The following ASH1L variants were observed in gnomAD, a reference collection of about 807,000 sequenced individuals.
The protein encoded by ASH1L is histone-lysine N-methyltransferase ASH1L.
A neutral mutation model predicts 269.0 loss-of-function variants in ASH1L; 23 were observed. That is an observed-to-expected ratio of 0.09 (90% CI 0.06 to 0.12). ASH1L has a LOEUF of 0.12. Among genes scored for constraint, ASH1L ranks in the 10% least tolerant of loss-of-function variants. The probability of loss-of-function intolerance (pLI) is 1.00; values close to 1 mark genes in which losing one functional copy is unlikely to be tolerated. For missense variants in ASH1L, 2,912 were observed against 3,567.8 expected (o/e 0.82, Z 4.68); for synonymous variants, 1,187 against 1,253.5 (o/e 0.95, Z 1.12).
chr1:155,384,757 T>C (rs191114508), intron 7 of ASH1L, among the ~76,000 whole-genome samples: 1 of 152,200 alleles, frequency 6.6e-6, no homozygotes, highest in Admixed American at 6.5e-5. Flanking sequence ...TGTTTGAGTT[T>C]ATCCTGTTCG....
At chr1:155,483,555 C>T (rs1666100143) in intron 2 of ASH1L, among the ~76,000 whole-genome samples, 1 of 151,996 alleles carries the variant, frequency 6.6e-6, no homozygotes, top group South Asian at 2.1e-4. Flanking sequence ...AAATGTACTG[C>T]ATGGAAAACG....
intron 5 of ASH1L, among the ~76,000 whole-genome samples, chr1:155,431,612 T>G (rs966018207): frequency 7.2e-5 from 11 of 151,958 alleles, no homozygotes; most frequent in African/African-American, 2.4e-4. Flanking sequence ...AACACAAAAA[T>G]TAGCCAGGCC....
intron 1 of ASH1L, among the ~76,000 whole-genome samples, chr1:155,556,780 A>C (rs1671624896): frequency 6.6e-6 from 1 of 152,096 alleles, no homozygotes; most frequent in Non-Finnish European, 1.5e-5. Context: ...CAGGTGTGGT[A>C]GCTCATGCCT....
chr1:155,383,765 G>A (rs558199242), intron 7 of ASH1L, among the ~76,000 whole-genome samples: 2 of 152,272 alleles, frequency 1.3e-5, no homozygotes, highest in South Asian at 4.1e-4. Flanking sequence ...ACCAGAGGCT[G>A]AGGGGAACAG....
At chr1:155,365,940 T>G (rs1655382860) in intron 12 of ASH1L, among the ~76,000 whole-genome samples, 1 of 152,162 alleles carries the variant, frequency 6.6e-6, no homozygotes, top group African/African-American at 2.4e-5. Flanking sequence ...TCATCCCTGT[T>G]TACCCCTAAG....
rs1488192857 is a variant in ASH1L at position 155,466,398 on chromosome 1, T to TC, written c.4985-6501dup. On this transcript the variant is annotated intron_variant, in intron 3 of 27. Transcript: ENST00000392403. ...AAACAAAACAAAAACTCTGTTTTTT[T>TC]CTCTAACTAGGCTATTTTTCATAAT... Among the ~76,000 whole-genome samples, 9 of 152,200 alleles carry TC rather than the reference T, an allele frequency of 5.9e-5. No individual in the cohort carries two copies. In the South Asian group the frequency reaches 1.9e-3, roughly 32 times the overall value.
rs201251822 is a variant in ASH1L at position 155,479,806 on chromosome 1, C to A, written c.3064G>T (p.Val1022Leu). ...CCAAATGTGGCAGCAAGACTTGATA[C>A]CGTATTATGGAGTTTGGATTGCACT... ...GKVQSKLHNT[V>L]SSLAATFGSK... The change falls in exon 3 of 28, where the codon GTA becomes TTA. Residue 1022 changes from valine to leucine, a missense_variant. Val to Leu is a conservative substitution (Grantham distance 32). This residue lies in a region of ASH1L where 715 missense variants were observed against 721.0 expected (regional missense o/e 0.99). Coordinates refer to ENST00000392403, the MANE Select transcript of ASH1L (RefSeq NM_018489.3). 6.2e-7 allele frequency: 1 copy of A among 1,614,198 alleles called. No individual in the cohort carries two copies. Among genetic ancestry groups the A allele is most frequent in the Non-Finnish European group, 8.5e-7 (1 of 1,180,022 alleles).
At chr1:155,515,150 A>C (rs374269733) in intron 2 of ASH1L, among the ~76,000 whole-genome samples, 27 of 152,248 alleles carry the variant, frequency 1.8e-4, no homozygotes, top group African/African-American at 6.5e-4. Context: ...TGTACCAAAA[A>C]CTGCAATGCC....
In ASH1L at chr1:155,343,232, C is replaced by T. The variant is rs1034465586; in HGVS notation, c.8293+82G>A. 3.2e-5 allele frequency: 48 copies of T among 1,477,828 alleles called. No individual in the cohort carries two copies. The highest frequency in any genetic ancestry group is 6.8e-5 in the East Asian group (3 of 43,982). The allele number at this position is 1,477,828 out of a possible 1,614,324, so 91.5% of individuals were successfully genotyped here. ...CTGGGCTTAAGCAATCTGCCTGCCTCGGCCTCCCACACCGCTGGGATTATC... is the reference window on the plus strand; with the variant it reads ...CTGGGCTTAAGCAATCTGCCTGCCTTGGCCTCCCACACCGCTGGGATTATC... On this transcript the variant is annotated intron_variant, in intron 24 of 27. Transcript: ENST00000392403. This position sits in a 1 kb window ranked among gnomAD's most constrained non-coding sequence, Gnocchi z 6.1.
At chr1:155,516,177 C>A (rs964050448) in intron 2 of ASH1L, among the ~76,000 whole-genome samples, 1 of 151,902 alleles carries the variant, frequency 6.6e-6, no homozygotes, top group African/African-American at 2.4e-5. Context: ...CTGTATGTAA[C>A]CTATTCAGTA....
chr1:155,399,102 T>C (rs185985367), intron 6 of ASH1L, among the ~76,000 whole-genome samples: 7 of 152,124 alleles, frequency 4.6e-5, no homozygotes, highest in Non-Finnish European at 7.4e-5. Flanking sequence ...AGATATGAAA[T>C]TGATGAACCA....
At chr1:155,359,064 G>A (rs1654701722) in intron 13 of ASH1L, among the ~76,000 whole-genome samples, 1 of 152,164 alleles carries the variant, frequency 6.6e-6, no homozygotes, top group African/African-American at 2.4e-5. Flanking sequence ...AGGCTGCAGT[G>A]AGCCATGATC....
chr1:155,433,747 T>C (rs751493477), intron 5 of ASH1L: 17 of 1,603,724 alleles, frequency 1.1e-5, no homozygotes, highest in Non-Finnish European at 1.4e-5. Flanking sequence ...GCTTTGAGGG[T>C]CTGCAGCTTA....
At chr1:155,554,429 C>A (rs1671441820) in intron 1 of ASH1L, among the ~76,000 whole-genome samples, 1 of 152,006 alleles carries the variant, frequency 6.6e-6, no homozygotes, top group Admixed American at 6.6e-5. Context: ...TGTGCCCCCA[C>A]ACAGGGCTAA....
At chr1:155,469,329 T>C (rs1249534102) in intron 3 of ASH1L, among the ~76,000 whole-genome samples, 1 of 152,100 alleles carries the variant, frequency 6.6e-6, no homozygotes, top group African/African-American at 2.4e-5. Flanking sequence ...ATTATAGGCA[T>C]GTGCCACCAC....
At chr1:155,551,709 C>T (rs1671227666) in intron 1 of ASH1L, among the ~76,000 whole-genome samples, 1 of 148,132 alleles carries the variant, frequency 6.8e-6, no homozygotes, top group Admixed American at 6.8e-5. Context: ...TTGGCTCACA[C>T]CTGTAATCCC....
intron 5 of ASH1L, chr1:155,419,252 TA>T (rs1478627943): frequency 6.6e-6 from 1 of 150,528 alleles, no homozygotes; most frequent in African/African-American, 2.4e-5. Flanking sequence ...ATAATAATAA[TA>T]AAAAAGTTTA....
At chr1:155,446,571 T>C (rs1663045917) in intron 4 of ASH1L, among the ~76,000 whole-genome samples, 1 of 151,726 alleles carries the variant, frequency 6.6e-6, no homozygotes, top group Non-Finnish European at 1.5e-5. Flanking sequence ...AGTGCTGGTA[T>C]TACAGGTGTG....
chr1:155,412,017 G>A (rs187316039), intron 6 of ASH1L, among the ~76,000 whole-genome samples: 10 of 152,052 alleles, frequency 6.6e-5, no homozygotes, highest in East Asian at 5.8e-4. Flanking sequence ...TGAGGTGGGC[G>A]GACTGCCTGA....
Sources: gnomAD v4.1 joint callset for allele counts (sites outside exome capture counted in the v4.1 genomes callset) on GRCh38, gnomAD v4.1.1 for gene constraint, gnomAD v4.1.1 regional missense constraint, Gnocchi (gnomAD v3.1) non-coding constraint, MANE v1.5 for transcripts, NCBI Gene and HGNC (gene_info 2026-07-23, HGNC 2026-07-21) for gene names.